Variants in TNFSF4 observed in about 807,000 individuals in gnomAD.
The protein encoded by TNFSF4 is TNF superfamily member 4.
TNFSF4 carries 4 observed loss-of-function variants against 7.3 expected under a neutral mutation model. That is an observed-to-expected ratio of 0.55 (90% CI 0.27 to 1.25). The LOEUF is 1.25. TNFSF4 is among the 50% of genes most tolerant of loss of function. The probability of loss-of-function intolerance (pLI) is 0.12; values close to 1 mark genes in which losing one functional copy is unlikely to be tolerated. For synonymous variants in TNFSF4, 76 were observed against 83.7 expected, an observed-to-expected ratio of 0.91 and a Z score of 0.50; for missense variants, 181 against 208.8, an observed-to-expected ratio of 0.87 and a Z score of 0.82.
Position 173,186,838 on chromosome 1 carries a change from A to T in TNFSF4, c.230T>A (p.Leu77His). Residue 77 changes from leucine (L) to histidine (H), a missense_variant, in exon 3 of 3, where the codon CTC (leucine) becomes CAC (histidine). Leu to His is a moderately conservative substitution (Grantham distance 99). Coordinates refer to ENST00000281834, the MANE Select transcript of TNFSF4 (RefSeq NM_003326.5). ...TEYKKEKGFI[L>H]TSQKEDEIMK... Reference sequence around the variant, plus strand: ...GATTTCATCCTCCTTTTGGGAAGTGAGGATGAAACCTTTCTCCTTCTTATA... The same window carrying T: ...GATTTCATCCTCCTTTTGGGAAGTGTGGATGAAACCTTTCTCCTTCTTATA... The T allele has an allele frequency of 6.2e-7, 1 of 1,606,046 alleles. No homozygotes were observed. The highest frequency in any genetic ancestry group is 8.5e-7 in the Non-Finnish European group (1 of 1,175,890).
chr1:173,212,381 G>C, the TNFSF4 span, among the ~76,000 whole-genome samples: 1 of 152,104 alleles, frequency 6.6e-6, no homozygotes, highest in South Asian at 2.1e-4. Context: ...AGCCAGACTT[G>C]TGAATCTCCC....
chr1:173,235,669 C>A, the TNFSF4 span, among the ~76,000 whole-genome samples: 1 of 152,208 alleles, frequency 6.6e-6, no homozygotes, highest in Non-Finnish European at 1.5e-5. Flanking sequence ...ATGGCCTGGG[C>A]AGCATTTGGC....
the TNFSF4 span, among the ~76,000 whole-genome samples, chr1:173,282,173 A>T: frequency 1.3e-5 from 2 of 152,206 alleles, no homozygotes; most frequent in Non-Finnish European, 2.9e-5. Context: ...TGTATATTTT[A>T]AAATAGCTAG....
the TNFSF4 span, among the ~76,000 whole-genome samples, chr1:173,354,450 C>CA: frequency 7.7e-6 from 1 of 129,458 alleles, no homozygotes; most frequent in African/African-American, 2.9e-5. Flanking sequence ...GAAACTATTT[C>CA]AAAAAATTGA....
At chr1:173,325,247 C>T in the TNFSF4 span, among the ~76,000 whole-genome samples, 5 of 152,208 alleles carry the variant, frequency 3.3e-5, no homozygotes, top group African/African-American at 1.2e-4. Flanking sequence ...AACTGAACAA[C>T]CTGCTCCTGA....
chr1:173,309,935 T>C, the TNFSF4 span, among the ~76,000 whole-genome samples: 1 of 151,930 alleles, frequency 6.6e-6, no homozygotes, highest in Non-Finnish European at 1.5e-5. Context: ...TGTATCCTTT[T>C]CACATACATT....
At chr1:173,266,320 C>CAT in the TNFSF4 span, among the ~76,000 whole-genome samples, 63 of 151,388 alleles carry the variant, frequency 4.2e-4, no homozygotes, top group African/African-American at 7.0e-4. Context: ...GAAGGGTATG[C>CAT]ATATATATAT....
chr1:173,305,274 C>T, the TNFSF4 span, among the ~76,000 whole-genome samples: 1 of 151,932 alleles, frequency 6.6e-6, no homozygotes, highest in Non-Finnish European at 1.5e-5. Context: ...TAAGAACACT[C>T]CAAGTTTTTC....
the TNFSF4 span, among the ~76,000 whole-genome samples, chr1:173,436,019 A>G: frequency 6.6e-6 from 1 of 152,256 alleles, no homozygotes; most frequent in Non-Finnish European, 1.5e-5. Context: ...TTTCCCAAGT[A>G]TCCACCAAAA....
At chr1:173,291,303 A>G in the TNFSF4 span, among the ~76,000 whole-genome samples, 3 of 152,140 alleles carry the variant, frequency 2.0e-5, no homozygotes, top group Admixed American at 2.0e-4. Flanking sequence ...ATGGTGCTAA[A>G]TCAGTCATAA....
the TNFSF4 span, among the ~76,000 whole-genome samples, chr1:173,402,986 G>A: frequency 6.6e-6 from 1 of 152,056 alleles, no homozygotes. Flanking sequence ...CTGAGTAGCT[G>A]GGACCACAGG....
the TNFSF4 span, among the ~76,000 whole-genome samples, chr1:173,267,275 G>A: frequency 6.6e-6 from 1 of 152,064 alleles, no homozygotes; most frequent in Non-Finnish European, 1.5e-5. Flanking sequence ...ACCTTTGCCA[G>A]GCTATATTGA....
the TNFSF4 span, among the ~76,000 whole-genome samples, chr1:173,392,095 G>C: frequency 6.6e-6 from 1 of 152,120 alleles, no homozygotes; most frequent in Non-Finnish European, 1.5e-5. Context: ...AGGCTTATGA[G>C]AGTCAGGTGA....
At chr1:173,193,219 C>A (rs1649556089) in intron 1 of TNFSF4, among the ~76,000 whole-genome samples, 1 of 152,124 alleles carries the variant, frequency 6.6e-6, no homozygotes, top group Non-Finnish European at 1.5e-5. Context: ...AAAGCAAAAT[C>A]CCCAGATCTT....
the TNFSF4 span, among the ~76,000 whole-genome samples, chr1:173,368,451 C>T: frequency 6.6e-6 from 1 of 152,122 alleles, no homozygotes; most frequent in Non-Finnish European, 1.5e-5. Flanking sequence ...CTGTTGCTTG[C>T]TATTCTGTCC....
At chr1:173,233,569 G>A in the TNFSF4 span, among the ~76,000 whole-genome samples, 1 of 152,164 alleles carries the variant, frequency 6.6e-6, no homozygotes, top group Non-Finnish European at 1.5e-5. Context: ...CAGGAATAAA[G>A]GTTACCTTGC....
At chr1:173,372,284 C>T in the TNFSF4 span, among the ~76,000 whole-genome samples, 1 of 152,106 alleles carries the variant, frequency 6.6e-6, no homozygotes, top group Non-Finnish European at 1.5e-5. Context: ...CCGGATACAG[C>T]AAGATGGCCA....
At chr1:173,354,363 C>A in the TNFSF4 span, among the ~76,000 whole-genome samples, 2 of 151,934 alleles carry the variant, frequency 1.3e-5, no homozygotes, top group Non-Finnish European at 2.9e-5. Context: ...CCTACCAACC[C>A]AAAAAAGCCT....
At chr1:173,209,316 G>A (rs1221709249), upstream of TNFSF4, among the ~76,000 whole-genome samples, 1 of 152,116 alleles carries the variant, frequency 6.6e-6, no homozygotes, top group Non-Finnish European at 1.5e-5. Flanking sequence ...GCATTCCAAA[G>A]TTCATCACTG....
Sources: allele counts gnomAD v4.1 joint callset (sites outside exome capture counted in the v4.1 genomes callset), GRCh38; gene constraint gnomAD v4.1.1; transcripts MANE v1.5; gene names NCBI Gene and HGNC (gene_info 2026-07-23, HGNC 2026-07-21).